KCNQ3: variants seen among roughly 807,000 people sequenced by gnomAD.
KCNQ3 encodes potassium voltage-gated channel subfamily Q member 3.
A neutral mutation model predicts 92.5 loss-of-function variants in KCNQ3; 30 were observed. The ratio of observed to expected loss-of-function variants is 0.32; its 90% confidence interval spans 0.24 to 0.44. The LOEUF (loss-of-function observed/expected upper bound fraction) is 0.44. Ranked by LOEUF, KCNQ3 falls within the 20% of genes least tolerant of loss-of-function variation. The pLI, the probability that KCNQ3 is intolerant of heterozygous loss-of-function variation, is 1.00. For missense variants in KCNQ3, 913 were observed against 1,140.3 expected (o/e 0.80, Z 2.87); for synonymous variants, 450 against 468.8 (o/e 0.96, Z 0.52).
At chr8:132,295,683 C>A (rs947208584) in intron 1 of KCNQ3, among the ~76,000 whole-genome samples, 1 of 152,192 alleles carries the variant, frequency 6.6e-6, no homozygotes, top group South Asian at 2.1e-4. Context: ...TACATATACA[C>A]CATGGAATAT....
intron 1 of KCNQ3, among the ~76,000 whole-genome samples, chr8:132,314,906 T>A (rs1196133461): frequency 6.6e-6 from 1 of 152,218 alleles, no homozygotes; most frequent in Non-Finnish European, 1.5e-5. Flanking sequence ...CAACGCATGC[T>A]GTGATAGAAA....
chr8:132,149,833 A>G (rs1043570479), intron 9 of KCNQ3, among the ~76,000 whole-genome samples: 8 of 152,138 alleles, frequency 5.3e-5, no homozygotes, highest in African/African-American at 1.9e-4. Flanking sequence ...CTGGGCCCCA[A>G]GCAACTGGCT....
chr8:132,441,399 A>T (rs2130837799), intron 1 of KCNQ3, among the ~76,000 whole-genome samples: 1 of 152,190 alleles, frequency 6.6e-6, no homozygotes. Context: ...AAATAAAAAT[A>T]AAAAATTAGC....
chr8:132,160,861 G>A (rs2130064854), intron 9 of KCNQ3, among the ~76,000 whole-genome samples: 1 of 152,164 alleles, frequency 6.6e-6, no homozygotes, highest in Non-Finnish European at 1.5e-5. Flanking sequence ...CTTACTAGGG[G>A]CCGAGCGTTA....
At chr8:132,337,820 C>T (rs554781540) in intron 1 of KCNQ3, among the ~76,000 whole-genome samples, 104 of 152,326 alleles carry the variant, frequency 6.8e-4, no homozygotes, top group Non-Finnish European at 1.1e-3. Context: ...GCCCCAAAAA[C>T]CTTTTGTGGG....
chr8:132,281,548 G>GTA lies in KCNQ3; in HGVS notation c.387-95369_387-95368dup, dbSNP rs34754909. ...TGTGTGTGTGTGTGTATATGTGTGTGTATATATATATATATATGAAATGAA... is the reference window on the plus strand; with the variant it reads ...TGTGTGTGTGTGTGTATATGTGTGTGTATATATATATATATATATGAAATGAA... On this transcript the variant is annotated intron_variant, in intron 1 of 14. Coordinates refer to ENST00000388996, the MANE Select transcript of KCNQ3 (RefSeq NM_004519.4). Among the ~76,000 whole-genome samples the GTA allele has an allele frequency of 5.2e-3, 777 of 149,232 alleles. 5 individuals are homozygous for GTA. The highest frequency in any genetic ancestry group is 0.017 in the African/African-American group (663 of 40,098).
rs3889950 is a variant in KCNQ3, at chr8:132,172,521, A to T, written c.1140+77T>A. The T allele has an allele frequency of 0.022, 28,526 of 1,282,804 alleles. 420 individuals are homozygous for T. Among genetic ancestry groups the T allele is most frequent in the Non-Finnish European group, 0.026 (23,141 of 880,846 alleles). 79.5% of individuals were successfully genotyped at this position (1,282,804 alleles called of 1,614,324 possible). On this transcript the variant is annotated intron_variant, in intron 7 of 14. Transcript: ENST00000388996. Reference sequence around the variant, plus strand: ...GTCCCCTCCACATGTGCACACATGCACACATACACACACACACACGTATGT... The same window carrying T: ...GTCCCCTCCACATGTGCACACATGCTCACATACACACACACACACGTATGT...
At chr8:132,443,929 A>C (rs1023540102) in intron 1 of KCNQ3, among the ~76,000 whole-genome samples, 13 of 152,266 alleles carry the variant, frequency 8.5e-5, no homozygotes, top group African/African-American at 3.1e-4. Context: ...TCAGCACTTT[A>C]TAAATAATAA....
intron 4 of KCNQ3, among the ~76,000 whole-genome samples, chr8:132,177,294 CCA>C (rs1362722100): frequency 3.3e-5 from 5 of 152,154 alleles, no homozygotes; most frequent in Non-Finnish European, 7.3e-5. Context: ...TGCAGTTATT[CCA>C]AATAATTCTG....
At chr8:132,463,437 T>C (rs1019764090) in intron 1 of KCNQ3, among the ~76,000 whole-genome samples, 1 of 152,210 alleles carries the variant, frequency 6.6e-6, no homozygotes, top group Non-Finnish European at 1.5e-5. Context: ...GAAAACATAA[T>C]TTACTCAGGA....
intron 1 of KCNQ3, among the ~76,000 whole-genome samples, chr8:132,265,106 G>A (rs1381614239): frequency 1.3e-5 from 2 of 152,034 alleles, no homozygotes; most frequent in Non-Finnish European, 2.9e-5. Context: ...AGGTAATAAA[G>A]GTACAGGTCC....
chr8:132,251,829 C>A (rs1375584696), intron 1 of KCNQ3, among the ~76,000 whole-genome samples: 3 of 152,194 alleles, frequency 2.0e-5, no homozygotes, highest in East Asian at 3.9e-4. Context: ...AAGCAAACAT[C>A]CCTCTCGGAG....
At chr8:132,343,394 G>T (rs1464417843) in intron 1 of KCNQ3, among the ~76,000 whole-genome samples, 1 of 152,148 alleles carries the variant, frequency 6.6e-6, no homozygotes, top group Admixed American at 6.5e-5. Flanking sequence ...TGAAACCAGT[G>T]CCCAGGCCTA....
intron 1 of KCNQ3, among the ~76,000 whole-genome samples, chr8:132,378,866 C>A (rs760458672): frequency 2.6e-5 from 4 of 152,182 alleles, no homozygotes; most frequent in Non-Finnish European, 2.9e-5. Flanking sequence ...ATAAGAAATA[C>A]TTTTTCCTGT....
intron 1 of KCNQ3, among the ~76,000 whole-genome samples, chr8:132,384,007 A>G (rs774299541): frequency 6.8e-6 from 1 of 147,960 alleles, no homozygotes; most frequent in East Asian, 2.0e-4. Flanking sequence ...TGTCAGGCCT[A>G]ACTAAGGAGA....
chr8:132,140,267 C>T, intron 10 of KCNQ3, 89 bp from the exon 11 acceptor site: 1 of 807,236 alleles, frequency 1.2e-6, no homozygotes, highest in Non-Finnish European at 2.1e-6. Flanking sequence ...TTCCACGCCT[C>T]TGGATGTGTC....
chr8:132,242,587 G>A (rs1174690657), intron 1 of KCNQ3, among the ~76,000 whole-genome samples: 1 of 151,988 alleles, frequency 6.6e-6, no homozygotes, highest in African/African-American at 2.4e-5. Flanking sequence ...CCTCTTTCTG[G>A]ACTATGTAAG....
chr8:132,469,691 G>GA (rs1244351807), intron 1 of KCNQ3, among the ~76,000 whole-genome samples: 1 of 151,826 alleles, frequency 6.6e-6, no homozygotes, highest in Non-Finnish European at 1.5e-5. Context: ...AAACCAAAGA[G>GA]AAAAAAGGAG....
chr8:132,182,882 G>GCGCACA (rs1491176964), intron 3 of KCNQ3, among the ~76,000 whole-genome samples: 96 of 146,094 alleles, frequency 6.6e-4, no homozygotes, highest in African/African-American at 2.3e-3. Flanking sequence ...CTCCAATATC[G>GCGCACA]CACACACACA....
Sources: allele counts gnomAD v4.1 joint callset (sites outside exome capture counted in the v4.1 genomes callset), GRCh38; gene constraint gnomAD v4.1.1; transcripts MANE v1.5; gene names NCBI Gene and HGNC (gene_info 2026-07-23, HGNC 2026-07-21).